The following EPHA4 variants were observed in gnomAD, a reference collection of about 807,000 sequenced individuals.
The protein encoded by EPHA4 is EPH receptor A4, also known as ephrin type-A receptor 4.
EPHA4 carries 19 observed loss-of-function variants against 108.3 expected under a neutral mutation model. That is an observed-to-expected ratio of 0.18 (90% CI 0.12 to 0.26). The LOEUF (loss-of-function observed/expected upper bound fraction) is 0.26, where lower values mean the gene tolerates loss of function less well. EPHA4 is among the 10% of genes least tolerant of loss of function. The pLI, the probability that EPHA4 is intolerant of heterozygous loss-of-function variation, is 1.00. For synonymous variants in EPHA4, 449 were observed against 455.5 expected (o/e 0.99, Z 0.18); for missense variants, 917 against 1,254.0 (o/e 0.73, Z 4.06).
intron 3 of EPHA4, among the ~76,000 whole-genome samples, chr2:221,535,615 T>C (rs1166294457): frequency 6.7e-6 from 1 of 150,182 alleles, no homozygotes; most frequent in Non-Finnish European, 1.5e-5. Flanking sequence ...ACAACGGATT[T>C]GTTATTTTCT....
chr2:221,474,044 G>A (rs369805030), intron 5 of EPHA4, among the ~76,000 whole-genome samples: 5 of 152,268 alleles, frequency 3.3e-5, no homozygotes, highest in African/African-American at 1.2e-4. Flanking sequence ...CATTTTCTTA[G>A]AGTGGAATAT....
intron 5 of EPHA4, among the ~76,000 whole-genome samples, chr2:221,471,826 T>G (rs1691495928): frequency 6.6e-6 from 1 of 152,200 alleles, no homozygotes; most frequent in Non-Finnish European, 1.5e-5. Flanking sequence ...AAAGGATACT[T>G]TCAGAGGGGG....
chr2:221,534,417 A>T (rs1227920304), intron 3 of EPHA4, among the ~76,000 whole-genome samples: 1 of 152,140 alleles, frequency 6.6e-6, no homozygotes, highest in Non-Finnish European at 1.5e-5. Flanking sequence ...CGTTCTCATT[A>T]CCTGCAAGTG....
At chr2:221,521,478 G>A (rs1693163369) in intron 3 of EPHA4, among the ~76,000 whole-genome samples, 1 of 152,152 alleles carries the variant, frequency 6.6e-6, no homozygotes, top group Admixed American at 6.5e-5. Context: ...GTCATGATAT[G>A]TTTGAGTTGA....
chr2:221,472,651 T>G (rs1283904199), intron 5 of EPHA4, among the ~76,000 whole-genome samples: 1 of 152,186 alleles, frequency 6.6e-6, no homozygotes, highest in East Asian at 1.9e-4. Context: ...CTGAAAAAAT[T>G]GTGTACTGGA....
At chr2:221,443,443 C>T (rs1437039299) in intron 10 of EPHA4, 50 bp downstream of exon 10, 1 of 1,335,186 alleles carries the variant, frequency 7.5e-7, no homozygotes, top group Non-Finnish European at 1.1e-6. Context: ...ACATATTTAA[C>T]ATCCACCAAG....
In EPHA4 at chr2:221,455,776, A is replaced by G. The variant is rs1690928878; in HGVS notation, c.1604-118T>C. 4.2e-6 allele frequency: 3 copies of G among 711,746 alleles called. No homozygotes were observed. The South Asian group carries it at 5.4e-5, about 13-fold the overall frequency. The allele number at this position is 711,746 out of a possible 1,614,324, so 44.1% of individuals were successfully genotyped here. A position where few individuals can be genotyped will look rare whatever the true frequency, so the allele number is the denominator to read the frequency against. ...CTTGGAGAGAGAAAGACACTTGAACATTTCAGAAAGGGCAGCAGTTTTGAA... is the reference window on the plus strand; with the variant it reads ...CTTGGAGAGAGAAAGACACTTGAACGTTTCAGAAAGGGCAGCAGTTTTGAA... On this transcript the variant is annotated intron_variant, in intron 7 of 17. Coordinates refer to ENST00000281821, the MANE Select transcript of EPHA4 (RefSeq NM_004438.5).
At chr2:221,424,202 C>T (rs16862638) in intron 17 of EPHA4, among the ~76,000 whole-genome samples, 23,610 of 151,184 alleles carry the variant, frequency 0.16, 2,034 homozygotes, top group African/African-American at 0.2. Context: ...CAGCTTTTAA[C>T]GTGAATATCC....
At chr2:221,427,556 T>G (rs186948890) in intron 15 of EPHA4, among the ~76,000 whole-genome samples, 32 of 152,324 alleles carry the variant, frequency 2.1e-4, no homozygotes, top group Admixed American at 1.9e-3. Flanking sequence ...TATACTACCT[T>G]TACTTATAAT....
intron 17 of EPHA4, 48 bp from the exon 18 acceptor site, chr2:221,420,600 C>A (rs1188731873): frequency 2.0e-5 from 3 of 152,140 alleles, no homozygotes; most frequent in Non-Finnish European, 4.4e-5. Context: ...ACCCATATTG[C>A]GAGCCAACTG....
chr2:221,489,614 T>C (rs2106147616), intron 4 of EPHA4, among the ~76,000 whole-genome samples: 1 of 152,288 alleles, frequency 6.6e-6, no homozygotes, highest in Non-Finnish European at 1.5e-5. Context: ...TTTTTAAAAA[T>C]TTCCTTCTTA....
intron 13 of EPHA4, among the ~76,000 whole-genome samples, chr2:221,434,708 T>A (rs1009651114): frequency 6.6e-6 from 1 of 152,210 alleles, no homozygotes; most frequent in African/African-American, 2.4e-5. Context: ...AAATCATGAA[T>A]GAAGGAATTT....
chr2:221,443,192 A>G (rs934897128), intron 10 of EPHA4, among the ~76,000 whole-genome samples, 178 bp from the exon 11 acceptor site: 1 of 152,174 alleles, frequency 6.6e-6, no homozygotes, highest in Admixed American at 6.5e-5. Flanking sequence ...GCCCCATTTT[A>G]TTAGAGAAAA....
chr2:221,450,569 A>T (rs1690748680), intron 8 of EPHA4, among the ~76,000 whole-genome samples: 1 of 152,194 alleles, frequency 6.6e-6, no homozygotes, highest in Admixed American at 6.5e-5. Flanking sequence ...GGAGAGCTGA[A>T]TTCCTGTCCT....
At chr2:221,456,574 TA>T (rs1559248796) in intron 7 of EPHA4, 38 bp downstream of exon 7, 1 of 1,598,106 alleles carries the variant, frequency 6.3e-7, no homozygotes, top group East Asian at 2.2e-5. Flanking sequence ...ATTATAAAAA[TA>T]GCCTCAGAAG....
intron 14 of EPHA4, among the ~76,000 whole-genome samples, chr2:221,432,245 C>T (rs1027580075): frequency 4.6e-5 from 7 of 152,000 alleles, no homozygotes; most frequent in African/African-American, 1.4e-4. Context: ...TCTGCTCTTA[C>T]GAACATTTGG....
At chr2:221,569,018 T>G (rs1169403834) in intron 1 of EPHA4, among the ~76,000 whole-genome samples, 3 of 152,204 alleles carry the variant, frequency 2.0e-5, no homozygotes, top group Admixed American at 1.3e-4. Flanking sequence ...AATTCCATCC[T>G]AGGACTCACT....
At chr2:221,570,578 C>A (rs1559299116) in intron 1 of EPHA4, among the ~76,000 whole-genome samples, 1 of 152,158 alleles carries the variant, frequency 6.6e-6, no homozygotes, top group Non-Finnish European at 1.5e-5. Flanking sequence ...TCCTCCCAAG[C>A]GATGTCTGTG....
chr2:221,470,130 G>A (rs1691435283), intron 5 of EPHA4, among the ~76,000 whole-genome samples: 1 of 152,140 alleles, frequency 6.6e-6, no homozygotes, highest in Non-Finnish European at 1.5e-5. Flanking sequence ...GGCTACCAAT[G>A]ATTCCTGACA....
Sources: allele counts gnomAD v4.1 joint callset (sites outside exome capture counted in the v4.1 genomes callset), GRCh38; gene constraint gnomAD v4.1.1; transcripts MANE v1.5; gene names NCBI Gene and HGNC (gene_info 2026-07-23, HGNC 2026-07-21).